NELL2: variants seen among roughly 807,000 people sequenced by gnomAD.
The protein encoded by NELL2 is neural EGFL like 2.
A neutral mutation model predicts 109.6 loss-of-function variants in NELL2; 41 were observed. The ratio of observed to expected loss-of-function variants is 0.37; its 90% CI spans 0.29 to 0.49. NELL2 has a LOEUF of 0.49. Ranked by LOEUF, NELL2 falls within the 20% of genes least tolerant of loss-of-function variation. The pLI is 0.98. For missense variants in NELL2, 900 were observed against 1,008.3 expected, an observed-to-expected ratio of 0.89 and a Z score of 1.45; for synonymous variants, 355 against 344.7, an observed-to-expected ratio of 1.03 and a Z score of -0.33.
intron 15 of NELL2, among the ~76,000 whole-genome samples, chr12:44,596,783 A>C (rs1195282704): frequency 6.6e-6 from 1 of 152,142 alleles, no homozygotes; most frequent in Non-Finnish European, 1.5e-5. Context: ...GAGGCACATA[A>C]ATATTAAGTA....
At chr12:44,517,225 A>C (rs1941309477) in intron 19 of NELL2, among the ~76,000 whole-genome samples, 1 of 152,100 alleles carries the variant, frequency 6.6e-6, no homozygotes, top group African/African-American at 2.4e-5. Context: ...TTATTATAAT[A>C]TTGCTTATTT....
chr12:44,682,178 G>A (rs1310741271), intron 12 of NELL2, among the ~76,000 whole-genome samples: 1 of 150,194 alleles, frequency 6.7e-6, no homozygotes, highest in African/African-American at 2.5e-5. Context: ...GAGATGGTGA[G>A]CATTTTTTCA....
intron 12 of NELL2, among the ~76,000 whole-genome samples, chr12:44,673,743 A>G (rs1340312228): frequency 6.6e-6 from 1 of 152,218 alleles, no homozygotes; most frequent in Admixed American, 6.5e-5. Context: ...GCTGCCTTCT[A>G]TATTTGAAGC....
chr12:44,655,890 T>C (rs1420779147), intron 13 of NELL2, among the ~76,000 whole-genome samples: 1 of 152,228 alleles, frequency 6.6e-6, no homozygotes, highest in Admixed American at 6.5e-5. Context: ...CCTAAAGTTG[T>C]CTGATTTTCA....
chr12:44,761,795 G>A (rs1171512559), intron 9 of NELL2, among the ~76,000 whole-genome samples: 3 of 152,118 alleles, frequency 2.0e-5, no homozygotes, highest in Non-Finnish European at 4.4e-5. Flanking sequence ...ATCAAATACT[G>A]CATGTTCTCA....
Position 44,607,210 on chromosome 12 carries a change from C to A in NELL2, c.1622G>T (p.Cys541Phe). ...TCCAGTGAAGCCTTGTGGGCAGGCA[C>A]ACACATTAGCGGCAATACAGGCTCC... ...NGGACIAANVCACPQGFTGPS... is the reference protein window; with the variant it reads ...NGGACIAANVFACPQGFTGPS... The change falls in exon 15 of 20, where the codon TGT (cysteine) becomes TTT (phenylalanine). Residue 541 changes from cysteine (C) to phenylalanine (F), a missense_variant. Cys to Phe is a radical substitution (Grantham distance 205). Transcript: ENST00000429094. 1 of 1,612,832 alleles carries A rather than the reference C, an allele frequency of 6.2e-7. No individual in the cohort carries two copies. Among genetic ancestry groups the A allele is most frequent in the Non-Finnish European group, 8.5e-7 (1 of 1,179,244 alleles).
chr12:44,582,679 G>T (rs1177950515), intron 15 of NELL2, among the ~76,000 whole-genome samples: 1 of 152,140 alleles, frequency 6.6e-6, no homozygotes, highest in Non-Finnish European at 1.5e-5. Flanking sequence ...CCACAGGTGT[G>T]AGTCACTAAG....
At chr12:44,540,922 A>T (rs1942530940) in intron 15 of NELL2, among the ~76,000 whole-genome samples, 1 of 152,084 alleles carries the variant, frequency 6.6e-6, no homozygotes, top group Non-Finnish European at 1.5e-5. Flanking sequence ...TAGCCAAGAT[A>T]CAGTATCAGA....
At chr12:44,816,797 T>C (rs1943366535) in intron 2 of NELL2, among the ~76,000 whole-genome samples, 1 of 152,208 alleles carries the variant, frequency 6.6e-6, no homozygotes, top group African/African-American at 2.4e-5. Context: ...AAGGGAAGTT[T>C]ACTTAAGAGA....
intron 12 of NELL2, among the ~76,000 whole-genome samples, chr12:44,699,292 A>G (rs1949152428): frequency 6.6e-6 from 1 of 152,180 alleles, no homozygotes; most frequent in South Asian, 2.1e-4. Flanking sequence ...GCAGTTAACA[A>G]AACACTAAAG....
chr12:44,803,571 T>A (rs935144850), intron 3 of NELL2, among the ~76,000 whole-genome samples: 2 of 152,014 alleles, frequency 1.3e-5, no homozygotes, highest in African/African-American at 4.8e-5. Flanking sequence ...TGTAATATAC[T>A]TGTAACTTTT....
At chr12:44,702,323 A>G (rs1949254169) in intron 12 of NELL2, among the ~76,000 whole-genome samples, 1 of 152,096 alleles carries the variant, frequency 6.6e-6, no homozygotes, top group Non-Finnish European at 1.5e-5. Context: ...CTTGTCCATC[A>G]TTTACTCCAC....
At chr12:44,905,668 AT>A (rs1463676343) in intron 1 of NELL2, among the ~76,000 whole-genome samples, 1 of 152,108 alleles carries the variant, frequency 6.6e-6, no homozygotes, top group Non-Finnish European at 1.5e-5. Flanking sequence ...ACACTGAATT[AT>A]TTTATATCCT....
intron 1 of NELL2, among the ~76,000 whole-genome samples, chr12:44,913,246 A>C (rs1451861876): frequency 6.6e-6 from 1 of 152,142 alleles, no homozygotes; most frequent in Non-Finnish European, 1.5e-5. Context: ...AGGAAGCTTT[A>C]TTGAAACATC....
chr12:44,872,709 C>T (rs1243949970), intron 2 of NELL2, among the ~76,000 whole-genome samples: 2 of 152,124 alleles, frequency 1.3e-5, no homozygotes, highest in African/African-American at 2.4e-5. Context: ...CTATTTAGAA[C>T]ATATCTGATA....
In NELL2 at chr12:44,921,233, C is replaced by A. The variant is rs184809644; in HGVS notation, c.-32+557G>T. On this transcript the variant is annotated intron_variant, in intron 1 of 9. Transcript: ENST00000552993. ...GACATGGAAGTCAGAGACCTAAACA[C>A]TAGATAGACTTGTGCAAATCGTGGT... Among the ~76,000 whole-genome samples the A allele has an allele frequency of 5.9e-5, 9 of 152,248 alleles. No individual in the cohort carries two copies. The East Asian group carries it at 1.4e-3, about 23-fold the overall frequency.
chr12:44,884,032 G>A (rs1197661342), intron 1 of NELL2, among the ~76,000 whole-genome samples: 1 of 151,724 alleles, frequency 6.6e-6, no homozygotes, highest in Non-Finnish European at 1.5e-5. Context: ...GAACTCATCA[G>A]AAGGAATTTG....
chr12:44,776,101 T>G lies in NELL2; in HGVS notation c.812A>C (p.Glu271Ala), dbSNP rs1941747775. 1 of 1,613,980 alleles carries G rather than the reference T, an allele frequency of 6.2e-7. No homozygotes were observed. The highest frequency in any genetic ancestry group is 8.5e-7 in the Non-Finnish European group (1 of 1,179,986). Residue 271 changes from glutamate to alanine, a missense_variant, in exon 8 of 20, where the codon GAA becomes GCA. Glu to Ala is a moderately radical substitution (Grantham distance 107). Transcript: ENST00000429094. ...GGTTCCCTTCATGGTGCAAGTCCTT[T>G]CACAATAGCACTGATCCAATCTATT... ...RMNRLDQCYC[E>A]RTCTMKGTTY...
At chr12:44,781,209 C>T (rs1366568399) in intron 3 of NELL2, among the ~76,000 whole-genome samples, 1 of 149,382 alleles carries the variant, frequency 6.7e-6, no homozygotes, top group Admixed American at 6.7e-5. Flanking sequence ...AATTTAAAAC[C>T]AAATAGAAAC....
Sources: gnomAD v4.1 joint callset for allele counts (sites outside exome capture counted in the v4.1 genomes callset) on GRCh38, gnomAD v4.1.1 for gene constraint, MANE v1.5 for transcripts, NCBI Gene and HGNC (gene_info 2026-07-23, HGNC 2026-07-21) for gene names.